COL24A1: variants seen among roughly 807,000 people sequenced by gnomAD.
COL24A1 encodes the protein collagen type XXIV alpha 1 chain, also known as collagen alpha-1(XXIV) chain.
A neutral mutation model predicts 253.9 loss-of-function variants in COL24A1; 224 were observed. The observed-to-expected ratio is 0.88, with a 90% CI of 0.79 to 0.99. COL24A1 has a LOEUF of 0.99. COL24A1 is among the 50% of genes least tolerant of loss of function. The pLI, the probability that COL24A1 is intolerant of heterozygous loss-of-function variation, is 0.00. For missense variants in COL24A1, 2,131 were observed against 2,068.5 expected, an observed-to-expected ratio of 1.03 and a Z score of -0.59; for synonymous variants, 685 against 673.7, an observed-to-expected ratio of 1.02 and a Z score of -0.26.
intron 32 of COL24A1, among the ~76,000 whole-genome samples, chr1:85,888,482 A>G (rs964499545): frequency 5.3e-5 from 8 of 152,132 alleles, no homozygotes; most frequent in African/African-American, 1.9e-4. Context: ...GATTACAAAG[A>G]TAAAAGAAAT....
At chr1:86,086,861 C>A (rs558818349) in intron 7 of COL24A1, among the ~76,000 whole-genome samples, 1 of 152,118 alleles carries the variant, frequency 6.6e-6, no homozygotes, top group Non-Finnish European at 1.5e-5. Context: ...TATCCTTTTC[C>A]TAGTTATACT....
intron 28 of COL24A1, among the ~76,000 whole-genome samples, chr1:85,900,750 A>G (rs1684202600): frequency 6.6e-6 from 1 of 152,134 alleles, no homozygotes. Flanking sequence ...GAGCCCAGAA[A>G]TAAATCTACA....
At chr1:85,832,486 G>A (rs1180982466) in intron 43 of COL24A1, among the ~76,000 whole-genome samples, 1 of 151,214 alleles carries the variant, frequency 6.6e-6, no homozygotes, top group African/African-American at 2.4e-5. Context: ...GCTTGATGGG[G>A]ATGGCATTGA....
chr1:86,149,380 T>C (rs1652411920), intron 1 of COL24A1, among the ~76,000 whole-genome samples: 1 of 152,252 alleles, frequency 6.6e-6, no homozygotes, highest in Non-Finnish European at 1.5e-5. Flanking sequence ...TGTATCCTAA[T>C]ATGATTTAGA....
intron 19 of COL24A1, among the ~76,000 whole-genome samples, chr1:85,996,614 C>T (rs942818708): frequency 4.0e-5 from 6 of 151,588 alleles, no homozygotes; most frequent in East Asian, 1.9e-4. Flanking sequence ...CCAGCCTGGG[C>T]GACAGAGGGA....
At chr1:86,119,435 A>G (rs1384233005) in intron 3 of COL24A1, among the ~76,000 whole-genome samples, 7 of 152,322 alleles carry the variant, frequency 4.6e-5, no homozygotes, top group Non-Finnish European at 2.9e-5. Context: ...AGACAAGAGT[A>G]GAAAAGGTGG....
intron 35 of COL24A1, among the ~76,000 whole-genome samples, chr1:85,873,828 T>TTAA: frequency 6.7e-6 from 1 of 148,480 alleles, no homozygotes; most frequent in South Asian, 2.1e-4. Flanking sequence ...TTAAAATACA[T>TTAA]AAAAAAAAAA....
At chr1:86,098,930 TGA>T (rs2102029239) in intron 5 of COL24A1, among the ~76,000 whole-genome samples, 1 of 152,314 alleles carries the variant, frequency 6.6e-6, no homozygotes, top group Non-Finnish European at 1.5e-5. Context: ...AAATCTGACC[TGA>T]GGTTAACACT....
chr1:86,151,714 G>GTTTT (rs1652801171), intron 1 of COL24A1, among the ~76,000 whole-genome samples: 1 of 152,164 alleles, frequency 6.6e-6, no homozygotes, highest in Admixed American at 6.5e-5. Flanking sequence ...AAAGATCCAA[G>GTTTT]TTGCTTTAGG....
At chr1:85,756,374 G>A (rs565187044) in intron 55 of COL24A1, among the ~76,000 whole-genome samples, 10 of 151,726 alleles carry the variant, frequency 6.6e-5, no homozygotes, top group African/African-American at 1.7e-4. Context: ...AGCTGAGATC[G>A]CACCACTGCA....
chr1:86,067,233 G>A (rs1174179526), intron 7 of COL24A1, among the ~76,000 whole-genome samples: 1 of 152,100 alleles, frequency 6.6e-6, no homozygotes, highest in African/African-American at 2.4e-5. Flanking sequence ...AGGCTCCCAC[G>A]GGGCACTTCT....
At chr1:85,853,358 T>TA (rs1185727392) in intron 37 of COL24A1, among the ~76,000 whole-genome samples, 1 of 152,186 alleles carries the variant, frequency 6.6e-6, no homozygotes, top group Non-Finnish European at 1.5e-5. Context: ...CTTTTTTTTT[T>TA]ATCCAGTCCA....
At chr1:86,063,026 C>A (rs766913945) in intron 8 of COL24A1, among the ~76,000 whole-genome samples, 10 of 152,020 alleles carry the variant, frequency 6.6e-5, no homozygotes, top group Non-Finnish European at 1.5e-4. Context: ...ATATCTTACC[C>A]TTTTCACTGT....
intron 20 of COL24A1, among the ~76,000 whole-genome samples, chr1:85,980,215 C>CGG (rs1693112700): frequency 2.0e-5 from 3 of 152,158 alleles, no homozygotes; most frequent in African/African-American, 7.2e-5. Context: ...CTATGACAAA[C>CGG]CCACAGTGAA....
intron 20 of COL24A1, among the ~76,000 whole-genome samples, chr1:85,979,306 C>T (rs1693009940): frequency 6.6e-6 from 1 of 151,788 alleles, no homozygotes. Flanking sequence ...CAAATAAAAC[C>T]CAAACCCAGC....
At chr1:85,864,951 C>A (rs1679616871) in intron 37 of COL24A1, among the ~76,000 whole-genome samples, 1 of 152,050 alleles carries the variant, frequency 6.6e-6, no homozygotes, top group African/African-American at 2.4e-5. Context: ...AGATGCTTCC[C>A]AATTCTTTTC....
chr1:85,804,885 C>T (rs1016939653), intron 47 of COL24A1, among the ~76,000 whole-genome samples: 16 of 150,548 alleles, frequency 1.1e-4, no homozygotes, highest in Admixed American at 7.9e-4. Context: ...TTTGTTTTGT[C>T]ACCCAGTCTG....
chr1:85,980,475 G>A (rs1453201840), intron 20 of COL24A1, among the ~76,000 whole-genome samples: 1 of 152,160 alleles, frequency 6.6e-6, no homozygotes, highest in Admixed American at 6.5e-5. Context: ...AATAGATTCA[G>A]TAAAGTTTCA....
At chr1:86,123,156 C>G (rs1647647818) in intron 3 of COL24A1, among the ~76,000 whole-genome samples, 3 of 151,882 alleles carry the variant, frequency 2.0e-5, no homozygotes. Context: ...GGTAGAGCAT[C>G]TTTCTCAAGG....
Sources: allele counts gnomAD v4.1 joint callset (sites outside exome capture counted in the v4.1 genomes callset), GRCh38; gene constraint gnomAD v4.1.1; transcripts MANE v1.5; gene names NCBI Gene and HGNC (gene_info 2026-07-23, HGNC 2026-07-21).